The following DNAH12 variants were observed in gnomAD, a reference collection of about 807,000 sequenced individuals.
DNAH12 encodes the protein dynein axonemal heavy chain 12.
DNAH12 carries 285 observed loss-of-function variants against 371.5 expected under a neutral mutation model. That is an observed-to-expected ratio of 0.77 (90% CI 0.70 to 0.85). The LOEUF (loss-of-function observed/expected upper bound fraction) is 0.85, where lower values mean the gene tolerates loss of function less well. DNAH12 is among the 40% of genes least tolerant of loss of function. DNAH12 has a pLI of 0.00. For missense variants in DNAH12, 3,611 were observed against 3,689.4 expected, an observed-to-expected ratio of 0.98 and a Z score of 0.55; for synonymous variants, 1,200 against 1,213.0, an observed-to-expected ratio of 0.99 and a Z score of 0.22.
chr3:57,410,250 G>A (rs995565714), intron 39 of DNAH12, among the ~76,000 whole-genome samples: 1 of 151,896 alleles, frequency 6.6e-6, no homozygotes, highest in East Asian at 1.9e-4. Flanking sequence ...AACAGCATTT[G>A]CTTACTTCTG....
intron 49 of DNAH12, among the ~76,000 whole-genome samples, chr3:57,383,470 C>T (rs2063437432): frequency 6.9e-6 from 1 of 145,070 alleles, no homozygotes; most frequent in African/African-American, 2.6e-5. Flanking sequence ...TAAATTAATG[C>T]TCATGGTCAC....
chr3:57,462,194 G>A (rs1181459982), intron 18 of DNAH12, among the ~76,000 whole-genome samples: 2 of 152,144 alleles, frequency 1.3e-5, no homozygotes, highest in Admixed American at 6.5e-5. Context: ...GTCATTTCTC[G>A]TCTGGATTCA....
chr3:57,483,395 T>C lies in DNAH12; in HGVS notation c.1631A>G (p.Glu544Gly). The stretch of plus-strand genomic sequence containing the variant: ...CCTTACCTGGATCCTTAAAATCAAC[T>C]CTTCGATTCCTACAGTCCGGGCTTT... ...VEKARTVGIE[E>G]LILRIQESKR... The change falls in exon 13 of 74, where the codon GAG (glutamate) becomes GGG (glycine). Residue 544 changes from glutamate to glycine, a missense_variant. Glu to Gly is a moderately conservative substitution (Grantham distance 98). Coordinates refer to ENST00000495027, the MANE Select transcript of DNAH12 (RefSeq NM_001366028.2). The C allele has an allele frequency of 1.9e-6, 3 of 1,545,488 alleles. No homozygotes were observed. Among genetic ancestry groups the C allele is most frequent in the Non-Finnish European group, 2.6e-6 (3 of 1,145,680 alleles).
chr3:57,420,908 CA>C (rs369971376), intron 36 of DNAH12, among the ~76,000 whole-genome samples: 19,715 of 78,152 alleles, frequency 0.25, 1,019 homozygotes, highest in Middle Eastern at 0.32. Context: ...GACTCCGTCT[CA>C]AAAAAAAAAA....
At chr3:57,455,981 A>G (rs2065892484) in intron 22 of DNAH12, among the ~76,000 whole-genome samples, 1 of 152,204 alleles carries the variant, frequency 6.6e-6, no homozygotes, top group Non-Finnish European at 1.5e-5. Flanking sequence ...TGCAAATTAT[A>G]TTTTCAATAA....
At chr3:57,326,686 CA>C (rs1445277602) in intron 62 of DNAH12, among the ~76,000 whole-genome samples, 1 of 152,138 alleles carries the variant, frequency 6.6e-6, no homozygotes, top group Non-Finnish European at 1.5e-5. Context: ...ATCATAATGA[CA>C]GGTTCATATT....
chr3:57,330,998 A>G (rs2062082577), intron 62 of DNAH12, among the ~76,000 whole-genome samples: 2 of 152,222 alleles, frequency 1.3e-5, no homozygotes, highest in African/African-American at 2.4e-5. Flanking sequence ...AATTCCATTT[A>G]GTTTAACTCA....
intron 7 of DNAH12, among the ~76,000 whole-genome samples, 168 bp downstream of exon 7, chr3:57,508,214 A>C (rs12638481): frequency 5.6e-5 from 8 of 142,116 alleles, no homozygotes; most frequent in African/African-American, 1.0e-4. Flanking sequence ...AAAAAAAAAA[A>C]CCAAAAAAAA....
Position 57,477,814 on chromosome 3 carries a change from G to A in DNAH12, c.1651-5143C>T, listed in dbSNP as rs562006129. Among the ~76,000 whole-genome samples, 19 of 152,192 alleles carry A rather than the reference G, an allele frequency of 1.2e-4. No homozygotes were observed. The East Asian group carries it at 3.1e-3, about 25-fold the overall frequency. Reference sequence around the variant, plus strand: ...CCGCTGCTGATACCCAGGCAAACAGGGTCTGGAGTGGACCTCCAGCAAACT... The same window carrying A: ...CCGCTGCTGATACCCAGGCAAACAGAGTCTGGAGTGGACCTCCAGCAAACT... On this transcript the variant is annotated intron_variant, in intron 13 of 73. Coordinates refer to ENST00000495027, the MANE Select transcript of DNAH12 (RefSeq NM_001366028.2).
At chr3:57,410,552 C>T (rs7625549) in intron 39 of DNAH12, among the ~76,000 whole-genome samples, 79,810 of 151,740 alleles carry the variant, frequency 0.53, 22,186 homozygotes, top group African/African-American at 0.71. Context: ...GGTGTGGTGG[C>T]TCATACCTGT....
chr3:57,526,156 A>G (rs919730895), intron 2 of DNAH12, among the ~76,000 whole-genome samples: 3 of 152,052 alleles, frequency 2.0e-5, no homozygotes, highest in South Asian at 2.1e-4. Flanking sequence ...GCCTTCTACA[A>G]TCTATTTCCA....
intron 43 of DNAH12, among the ~76,000 whole-genome samples, chr3:57,399,281 C>T (rs1028928503): frequency 6.6e-6 from 1 of 151,934 alleles, no homozygotes; most frequent in African/African-American, 2.4e-5. Flanking sequence ...AGCTACAAGA[C>T]ACACAGAAAA....
At chr3:57,437,122 A>G in intron 29 of DNAH12, 62 bp from the exon 30 acceptor site, 2 of 1,028,332 alleles carry the variant, frequency 1.9e-6, no homozygotes, top group Non-Finnish European at 2.8e-6. Context: ...TACCTGTCTT[A>G]TAAGTGTAGA....
At chr3:57,431,527 A>T (rs1212090151) in intron 32 of DNAH12, among the ~76,000 whole-genome samples, 1 of 151,980 alleles carries the variant, frequency 6.6e-6, no homozygotes, top group African/African-American at 2.4e-5. Context: ...CTCCTACTAC[A>T]CTTGCTCCTC....
intron 69 of DNAH12, among the ~76,000 whole-genome samples, chr3:57,307,840 C>T (rs2061503770): frequency 1.3e-5 from 2 of 152,152 alleles, no homozygotes; most frequent in African/African-American, 2.4e-5. Context: ...TGTTCCTCAC[C>T]CTGATCACAC....
intron 43 of DNAH12, among the ~76,000 whole-genome samples, chr3:57,400,927 C>G (rs2063843201): frequency 6.6e-6 from 1 of 152,102 alleles, no homozygotes; most frequent in Non-Finnish European, 1.5e-5. Flanking sequence ...TTCTCAAGTG[C>G]ACATGAAACA....
chr3:57,459,274 C>T (rs1052499222), intron 20 of DNAH12, among the ~76,000 whole-genome samples: 8 of 152,122 alleles, frequency 5.3e-5, no homozygotes, highest in Admixed American at 2.0e-4. Context: ...TCACTCTCTC[C>T]TCTCTCCATT....
chr3:57,473,548 T>TGAGTAGATA (rs1297783566), intron 13 of DNAH12, among the ~76,000 whole-genome samples: 1 of 151,946 alleles, frequency 6.6e-6, no homozygotes, highest in African/African-American at 2.4e-5. Context: ...ATAGATTATC[T>TGAGTAGATA]GAGTAGATAG....
intron 43 of DNAH12, chr3:57,402,443 T>G (rs1265762132): frequency 2.3e-6 from 3 of 1,304,704 alleles, no homozygotes; most frequent in African/African-American, 3.0e-5. Context: ...AAGAAACTAT[T>G]AAGATTACTA....
Sources: allele counts gnomAD v4.1 joint callset (sites outside exome capture counted in the v4.1 genomes callset), GRCh38; gene constraint gnomAD v4.1.1; transcripts MANE v1.5; gene names NCBI Gene and HGNC (gene_info 2026-07-23, HGNC 2026-07-21).